The following LINGO2 variants were observed in gnomAD, a reference collection of about 807,000 sequenced individuals.
LINGO2 encodes leucine-rich repeat and immunoglobulin-like domain-containing nogo receptor-interacting protein 2.
In LINGO2, 14 loss-of-function variants were observed where a neutral mutation model predicts 30.6. That is an observed-to-expected ratio of 0.46 (90% CI 0.30 to 0.72). LINGO2 has a LOEUF of 0.72. Among genes scored for constraint, LINGO2 ranks in the 30% least tolerant of loss-of-function variants. The probability of loss-of-function intolerance (pLI) is 0.07; values close to 1 mark genes in which losing one functional copy is unlikely to be tolerated. For missense variants in LINGO2, 729 were observed against 751.7 expected (o/e 0.97, Z 0.35); for synonymous variants, 317 against 288.5 (o/e 1.10, Z -1.00).
the LINGO2 span, among the ~76,000 whole-genome samples, chr9:29,109,860 C>T: frequency 6.6e-6 from 1 of 152,176 alleles, no homozygotes; most frequent in African/African-American, 2.4e-5. Context: ...AAGAAGAAAA[C>T]AGCCTGCTAA....
At chr9:28,921,597 C>T in the LINGO2 span, among the ~76,000 whole-genome samples, 1 of 152,138 alleles carries the variant, frequency 6.6e-6, no homozygotes, top group Admixed American at 6.6e-5. Flanking sequence ...ATGCAGAAAA[C>T]AGGGAAGGGA....
chr9:28,041,772 C>T (rs1011320744), intron 4 of LINGO2, among the ~76,000 whole-genome samples: 3 of 152,156 alleles, frequency 2.0e-5, no homozygotes, highest in Non-Finnish European at 4.4e-5. Flanking sequence ...CATATATTTT[C>T]CTTTTCCATG....
the LINGO2 span, among the ~76,000 whole-genome samples, chr9:28,913,084 C>A: frequency 6.6e-6 from 1 of 152,202 alleles, no homozygotes; most frequent in East Asian, 1.9e-4. Context: ...TCAGTTTCAA[C>A]TGATCTAGAC....
At chr9:28,253,754 T>G (rs1822287694) in intron 4 of LINGO2, among the ~76,000 whole-genome samples, 2 of 152,234 alleles carry the variant, frequency 1.3e-5, no homozygotes, top group Non-Finnish European at 1.5e-5. Context: ...GTCTCAGGTC[T>G]CAGTTTCATT....
At chr9:28,262,032 G>T (rs1209739037) in intron 4 of LINGO2, among the ~76,000 whole-genome samples, 2 of 151,922 alleles carry the variant, frequency 1.3e-5, no homozygotes, top group Non-Finnish European at 2.9e-5. Context: ...GTCAATTTGT[G>T]TTAATACACG....
chr9:28,723,434 T>C, the LINGO2 span, among the ~76,000 whole-genome samples: 4 of 152,262 alleles, frequency 2.6e-5, no homozygotes, highest in South Asian at 8.3e-4. Flanking sequence ...TGGCTATACA[T>C]ATTAGAAACT....
intron 3 of LINGO2, among the ~76,000 whole-genome samples, chr9:28,338,693 A>C (rs1825669190): frequency 6.6e-6 from 1 of 152,098 alleles, no homozygotes; most frequent in African/African-American, 2.4e-5. Context: ...TCTGATGGGT[A>C]TATAAGAGGC....
At chr9:28,954,474 GT>G in the LINGO2 span, among the ~76,000 whole-genome samples, 1 of 149,366 alleles carries the variant, frequency 6.7e-6, no homozygotes, top group African/African-American at 2.5e-5. Context: ...CTGCCATTTT[GT>G]TTTTTTTTGC....
chr9:28,582,856 T>C (rs1031544033), intron 1 of LINGO2, among the ~76,000 whole-genome samples: 5 of 152,212 alleles, frequency 3.3e-5, no homozygotes, highest in Middle Eastern at 3.4e-3. Flanking sequence ...TAGTTTTGAA[T>C]TGGACTTGTG....
intron 4 of LINGO2, among the ~76,000 whole-genome samples, chr9:28,029,334 TCTG>T (rs1249180149): frequency 1.3e-5 from 2 of 152,178 alleles, no homozygotes; most frequent in African/African-American, 2.4e-5. Flanking sequence ...ATCCCACTGT[TCTG>T]CTGCGTTTGA....
chr9:28,708,490 C>T, the LINGO2 span, among the ~76,000 whole-genome samples: 1 of 152,060 alleles, frequency 6.6e-6, no homozygotes, highest in African/African-American at 2.4e-5. Flanking sequence ...AGTTTCAAGG[C>T]TGATCAGTTG....
chr9:28,121,519 C>T (rs926557262), intron 4 of LINGO2, among the ~76,000 whole-genome samples: 11 of 151,998 alleles, frequency 7.2e-5, no homozygotes, highest in Non-Finnish European at 1.5e-4. Flanking sequence ...CCCATGGAAC[C>T]TTCAGGAAAA....
chr9:28,686,751 A>T, the LINGO2 span, among the ~76,000 whole-genome samples: 4 of 152,058 alleles, frequency 2.6e-5, no homozygotes, highest in Non-Finnish European at 5.9e-5. Context: ...TTGTCTGACA[A>T]ATTGAGCTTA....
chr9:28,419,559 C>A (rs1823104119), intron 2 of LINGO2, among the ~76,000 whole-genome samples: 2 of 151,112 alleles, frequency 1.3e-5, no homozygotes, highest in African/African-American at 4.9e-5. Flanking sequence ...CTGGCCAATA[C>A]ATTTCAATCT....
the LINGO2 span, among the ~76,000 whole-genome samples, chr9:29,025,105 A>T: frequency 7.2e-5 from 11 of 152,184 alleles, no homozygotes; most frequent in South Asian, 2.3e-3. Context: ...ACAGATTGCA[A>T]TCTGTTTTTC....
chr9:29,209,020 A>C, the LINGO2 span, among the ~76,000 whole-genome samples: 5 of 152,288 alleles, frequency 3.3e-5, no homozygotes, highest in African/African-American at 1.2e-4. Context: ...GATGAAGCTA[A>C]GGTTTCCTAA....
rs138496708 is a variant in LINGO2, at chr9:28,060,003, C to T, written c.-86-47598G>A. 2.2e-3 allele frequency among the ~76,000 whole-genome samples: 335 copies of T among 152,032 alleles called. 12 individuals are homozygous for T. The South Asian group carries it at 0.047, about 22-fold the overall frequency. On this transcript the variant is annotated intron_variant, in intron 4 of 5. Coordinates refer to ENST00000379992, the Ensembl canonical transcript of LINGO2. ...TCAAAGATTCACTGATCCTTAGTGT[C>T]AGTTTCTAAAGTTATCAAGTTAAAT...
At chr9:28,235,755 A>G (rs565360294) in intron 4 of LINGO2, among the ~76,000 whole-genome samples, 4 of 152,314 alleles carry the variant, frequency 2.6e-5, no homozygotes, top group South Asian at 2.1e-4. Context: ...AGAATTAGTG[A>G]GTTTGAAAAC....
At chr9:29,195,835 G>A in the LINGO2 span, among the ~76,000 whole-genome samples, 2 of 151,978 alleles carry the variant, frequency 1.3e-5, no homozygotes, top group Non-Finnish European at 2.9e-5. Flanking sequence ...CATTAATTTG[G>A]CATTTTTAAT....
Sources: allele counts gnomAD v4.1 joint callset (sites outside exome capture counted in the v4.1 genomes callset), GRCh38; gene constraint gnomAD v4.1.1; transcripts MANE v1.5; gene names NCBI Gene and HGNC (gene_info 2026-07-23, HGNC 2026-07-21).